QTMAN: variants seen among roughly 807,000 people sequenced by gnomAD.
QTMAN encodes the protein tRNA-queuosine alpha-mannosyltransferase.
chr2:144,008,289 C>G, the QTMAN span, among the ~76,000 whole-genome samples: 3 of 151,610 alleles, frequency 2.0e-5, no homozygotes, highest in African/African-American at 4.9e-5. Context: ...AACTAACCTA[C>G]GCTGGAACAT....
the QTMAN span, among the ~76,000 whole-genome samples, chr2:144,196,213 C>CCACA: frequency 0.011 from 1,599 of 142,516 alleles, 11 homozygotes; most frequent in Middle Eastern, 0.026. Flanking sequence ...GCACACATAG[C>CCACA]CACACACACA....
chr2:144,012,460 A>G, the QTMAN span, among the ~76,000 whole-genome samples: 7 of 152,322 alleles, frequency 4.6e-5, no homozygotes, highest in South Asian at 1.4e-3. Context: ...TTTCTGCTAT[A>G]GTCGAGAGGC....
At chr2:144,124,301 G>T in the QTMAN span, among the ~76,000 whole-genome samples, 1 of 152,086 alleles carries the variant, frequency 6.6e-6, no homozygotes, top group African/African-American at 2.4e-5. Flanking sequence ...AACTTATGGT[G>T]TCATCATTCA....
At chr2:144,329,998 A>G in the QTMAN span, among the ~76,000 whole-genome samples, 4 of 152,206 alleles carry the variant, frequency 2.6e-5, no homozygotes, top group Admixed American at 2.6e-4. Flanking sequence ...TCTACACTAA[A>G]CACTGTACTC....
chr2:144,036,986 G>A, the QTMAN span, among the ~76,000 whole-genome samples: 1 of 152,152 alleles, frequency 6.6e-6, no homozygotes, highest in Non-Finnish European at 1.5e-5. Context: ...AATGAACCTT[G>A]AAAAATTATG....
the QTMAN span, among the ~76,000 whole-genome samples, chr2:144,060,794 A>G: frequency 1.3e-5 from 2 of 152,248 alleles, no homozygotes; most frequent in Admixed American, 6.5e-5. Context: ...TGACTCCAAA[A>G]TAACTGTTAA....
the QTMAN span, among the ~76,000 whole-genome samples, chr2:144,056,846 A>G: frequency 6.6e-6 from 1 of 152,390 alleles, no homozygotes; most frequent in African/African-American, 2.4e-5. Context: ...TCCAAGAGGT[A>G]GTGGTGCTGA....
the QTMAN span, among the ~76,000 whole-genome samples, chr2:144,019,344 G>T: frequency 6.6e-6 from 1 of 152,008 alleles, no homozygotes; most frequent in Non-Finnish European, 1.5e-5. Context: ...CAATGGAAAA[G>T]AATGTGAACC....
chr2:144,161,997 A>T, the QTMAN span, among the ~76,000 whole-genome samples: 1 of 152,228 alleles, frequency 6.6e-6, no homozygotes, highest in Non-Finnish European at 1.5e-5. Context: ...AAGTTTTCAT[A>T]GTACAAAGAC....
the QTMAN span, among the ~76,000 whole-genome samples, chr2:144,203,715 A>C: frequency 1.2e-4 from 19 of 152,314 alleles, no homozygotes; most frequent in African/African-American, 3.8e-4. Flanking sequence ...AGACTGGGAG[A>C]AGTACCATAC....
chr2:144,324,455 C>T, the QTMAN span, among the ~76,000 whole-genome samples: 2 of 152,134 alleles, frequency 1.3e-5, no homozygotes, highest in Admixed American at 6.5e-5. Context: ...GACTAATCCC[C>T]CCCATCAGAT....
At chr2:144,010,062 C>CAAAAAAAAAAAAAAAAA in the QTMAN span, among the ~76,000 whole-genome samples, 1 of 74,880 alleles carries the variant, frequency 1.3e-5, no homozygotes, top group African/African-American at 4.6e-5. Context: ...AAGGATTCAC[C>CAAAAAAAAAAAAAAAAA]AAAAAAAAAA....
the QTMAN span, among the ~76,000 whole-genome samples, chr2:144,163,726 A>G: frequency 6.6e-6 from 1 of 152,226 alleles, no homozygotes; most frequent in Admixed American, 6.5e-5. Context: ...TTAAAACCCC[A>G]CAATGCATAG....
chr2:144,110,046 T>C, the QTMAN span, among the ~76,000 whole-genome samples: 1 of 152,228 alleles, frequency 6.6e-6, no homozygotes, highest in Non-Finnish European at 1.5e-5. Flanking sequence ...ACTGGGTATA[T>C]ACCCAGAGGA....
At chr2:144,196,686 C>T in the QTMAN span, among the ~76,000 whole-genome samples, 2 of 152,190 alleles carry the variant, frequency 1.3e-5, no homozygotes, top group African/African-American at 2.4e-5. Context: ...ACCTTTATAT[C>T]ATTTGTGCCT....
chr2:144,000,389 C>A, the QTMAN span, among the ~76,000 whole-genome samples: 2 of 152,008 alleles, frequency 1.3e-5, no homozygotes, highest in East Asian at 3.9e-4. Context: ...AACAAACTAA[C>A]CAACAAATTT....
chr2:144,303,002 T>C, the QTMAN span, among the ~76,000 whole-genome samples: 1 of 152,126 alleles, frequency 6.6e-6, no homozygotes, highest in Middle Eastern at 3.4e-3. Flanking sequence ...CTCAGGAGGC[T>C]GAGGAAGGAG....
At chr2:144,260,833 ATACT>A in the QTMAN span, among the ~76,000 whole-genome samples, 1 of 152,138 alleles carries the variant, frequency 6.6e-6, no homozygotes, top group Non-Finnish European at 1.5e-5. Context: ...CATTTAATTC[ATACT>A]TAGTGAATGC....
the QTMAN span, among the ~76,000 whole-genome samples, chr2:144,003,671 G>A: frequency 6.6e-6 from 1 of 152,042 alleles, no homozygotes; most frequent in East Asian, 1.9e-4. Context: ...AAAGAATGAG[G>A]AGAGGGGCAA....
Sources: gnomAD v4.1 joint callset for allele counts (sites outside exome capture counted in the v4.1 genomes callset) on GRCh38, gnomAD v4.1.1 for gene constraint, MANE v1.5 for transcripts, NCBI Gene and HGNC (gene_info 2026-07-23, HGNC 2026-07-21) for gene names.